The following SH2D4B variants were observed in gnomAD, a reference collection of about 807,000 sequenced individuals.
The protein encoded by SH2D4B is SH2 domain containing 4B.
In SH2D4B, 45 loss-of-function variants were observed where a neutral mutation model predicts 61.5. The ratio of observed to expected loss-of-function variants is 0.73; its 90% CI spans 0.58 to 0.94. SH2D4B has a LOEUF of 0.94. Ranked by LOEUF, SH2D4B falls within the 40% of genes least tolerant of loss-of-function variation. The pLI, the probability that SH2D4B is intolerant of heterozygous loss-of-function variation, is 0.00. For missense variants in SH2D4B, 572 were observed against 574.2 expected (o/e 1.00, Z 0.04); for synonymous variants, 224 against 220.4 (o/e 1.02, Z -0.14).
intron 6 of SH2D4B, 107 bp from the exon 7 acceptor site, chr10:80,634,178 G>C (rs992968617): frequency 5.0e-6 from 7 of 1,399,624 alleles, no homozygotes; most frequent in Middle Eastern, 5.0e-4. Context: ...TGTGTGGATG[G>C]CATGTGCACT....
At chr10:80,622,763 CTTG>C (rs1185467816) in intron 6 of SH2D4B, among the ~76,000 whole-genome samples, 1 of 152,150 alleles carries the variant, frequency 6.6e-6, no homozygotes, top group Non-Finnish European at 1.5e-5. Context: ...ATTAGCCACC[CTTG>C]TTGTTTATTT....
chr10:80,591,081 A>G (rs1842319557), intron 4 of SH2D4B, among the ~76,000 whole-genome samples: 1 of 151,598 alleles, frequency 6.6e-6, no homozygotes, highest in East Asian at 2.0e-4. Flanking sequence ...CCTTCCTTCC[A>G]TTTTATGATT....
At chr10:80,622,436 A>C (rs1323612888) in intron 6 of SH2D4B, among the ~76,000 whole-genome samples, 1 of 152,228 alleles carries the variant, frequency 6.6e-6, no homozygotes, top group African/African-American at 2.4e-5. Flanking sequence ...AGGGCCAGGA[A>C]AGTATTTCTA....
intron 6 of SH2D4B, among the ~76,000 whole-genome samples, chr10:80,625,219 T>C (rs1013817368): frequency 6.6e-6 from 1 of 152,206 alleles, no homozygotes; most frequent in African/African-American, 2.4e-5. Context: ...TATTTGGAGA[T>C]TTTACCACTC....
At chr10:80,567,763 C>T (rs1047155553) in intron 1 of SH2D4B, among the ~76,000 whole-genome samples, 2 of 152,190 alleles carry the variant, frequency 1.3e-5, no homozygotes, top group African/African-American at 4.8e-5. Context: ...GGCTTTTTGT[C>T]TGATTCCCCT....
At chr10:80,549,464 C>T (rs964797403) in intron 1 of SH2D4B, among the ~76,000 whole-genome samples, 1 of 152,174 alleles carries the variant, frequency 6.6e-6, no homozygotes, top group Admixed American at 6.5e-5. Context: ...GACAGCTGTG[C>T]AGATGAGTGA....
intron 6 of SH2D4B, among the ~76,000 whole-genome samples, chr10:80,613,495 T>C (rs920242211): frequency 3.3e-5 from 5 of 152,274 alleles, no homozygotes; most frequent in Non-Finnish European, 5.9e-5. Flanking sequence ...TGCTTGCCCA[T>C]AGGGCTTGGC....
chr10:80,643,871 C>A, intron 7 of SH2D4B, 122 bp from the exon 8 acceptor site: 2 of 507,122 alleles, frequency 3.9e-6, no homozygotes. Context: ...TTCTAGAAAT[C>A]TGAATGAGAG....
At chr10:80,599,293 AAGGGC>A (rs377107214) in intron 4 of SH2D4B, among the ~76,000 whole-genome samples, 17,645 of 152,084 alleles carry the variant, frequency 0.12, 1,202 homozygotes, top group East Asian at 0.25. Flanking sequence ...AAGACAGAAG[AAGGGC>A]TTTCTCTATC....
chr10:80,605,088 C>T (rs1003299229), intron 5 of SH2D4B, among the ~76,000 whole-genome samples: 14 of 152,206 alleles, frequency 9.2e-5, no homozygotes, highest in South Asian at 2.1e-4. Flanking sequence ...CCACTGCGTC[C>T]GGCTCTGTTC....
intron 7 of SH2D4B, among the ~76,000 whole-genome samples, chr10:80,643,551 C>T (rs1301296180): frequency 6.6e-6 from 1 of 151,938 alleles, no homozygotes. Flanking sequence ...TGGAGTTGAC[C>T]GTGAGTGGCT....
rs577822017 is a variant in SH2D4B at position 80,540,164 on chromosome 10, G to T, written c.184+1649G>T. 7.3e-4 allele frequency among the ~76,000 whole-genome samples: 111 copies of T among 152,206 alleles called. 1 individual carries two copies. Among genetic ancestry groups the T allele is most frequent in the Admixed American group, 2.9e-3 (44 of 15,288 alleles). ...TTCTGGTGCAGAAGATCCTTTTTCT[G>T]GTAATTAATTTTCTGATTTATAAAG... On this transcript the variant is annotated intron_variant, in intron 1 of 7. Coordinates refer to ENST00000646907, the MANE Select transcript of SH2D4B (RefSeq NM_001388272.1).
intron 3 of SH2D4B, among the ~76,000 whole-genome samples, chr10:80,586,937 C>CA (rs1842259945): frequency 6.7e-6 from 1 of 148,298 alleles, no homozygotes; most frequent in East Asian, 1.9e-4. Flanking sequence ...ACACTCACCG[C>CA]GGAGGTCCGC....
chr10:80,577,127 C>T (rs559642196), intron 3 of SH2D4B, among the ~76,000 whole-genome samples: 11 of 152,288 alleles, frequency 7.2e-5, no homozygotes, highest in East Asian at 3.9e-4. Flanking sequence ...CCCTCTCTTG[C>T]GATGCTCATT....
chr10:80,592,297 G>T, intron 4 of SH2D4B, among the ~76,000 whole-genome samples: 1 of 152,256 alleles, frequency 6.6e-6, no homozygotes, highest in East Asian at 1.9e-4. Flanking sequence ...CAGAGATATG[G>T]TTTGCAAATA....
intron 1 of SH2D4B, among the ~76,000 whole-genome samples, chr10:80,543,600 C>T: frequency 6.6e-6 from 1 of 152,240 alleles, no homozygotes. Context: ...GGAGTGCGGG[C>T]GCACCGCGCG....
intron 3 of SH2D4B, among the ~76,000 whole-genome samples, chr10:80,587,263 CTTGTTT>C (rs922808273): frequency 6.7e-6 from 1 of 149,450 alleles, no homozygotes; most frequent in African/African-American, 2.5e-5. Flanking sequence ...TTGAGTAACT[CTTGTTT>C]TTGTTGTTGT....
chr10:80,570,007 C>T (rs1216399076), intron 1 of SH2D4B, 147 bp from the exon 2 acceptor site: 1 of 970,414 alleles, frequency 1.0e-6, no homozygotes, highest in Non-Finnish European at 1.5e-6. Flanking sequence ...GTGGACCTGC[C>T]CCCAGGCCAG....
At chr10:80,541,030 T>A in intron 1 of SH2D4B, 1 of 900,236 alleles carries the variant, frequency 1.1e-6, no homozygotes, top group South Asian at 1.4e-5. Flanking sequence ...AAGAAACTGT[T>A]AGTGAGAAGC....
Sources: allele counts gnomAD v4.1 joint callset (sites outside exome capture counted in the v4.1 genomes callset), GRCh38; gene constraint gnomAD v4.1.1; transcripts MANE v1.5; gene names NCBI Gene and HGNC (gene_info 2026-07-23, HGNC 2026-07-21).